ZNF567: variants seen among roughly 807,000 people sequenced by gnomAD.
The protein encoded by ZNF567 is zinc finger protein 567.
ZNF567 carries 36 observed loss-of-function variants against 53.9 expected under a neutral mutation model. The observed-to-expected ratio is 0.67, with a 90% CI of 0.51 to 0.88. ZNF567 has a LOEUF of 0.88. ZNF567 is among the 40% of genes least tolerant of loss of function. The pLI, the probability that ZNF567 is intolerant of heterozygous loss-of-function variation, is 0.00. For missense variants in ZNF567, 619 were observed against 764.7 expected, an observed-to-expected ratio of 0.81 and a Z score of 2.25; for synonymous variants, 224 against 260.4, an observed-to-expected ratio of 0.86 and a Z score of 1.35.
At chr19:36,671,229 G>A in the ZNF567 span, among the ~76,000 whole-genome samples, 4 of 152,188 alleles carry the variant, frequency 2.6e-5, no homozygotes, top group Non-Finnish European at 5.9e-5. Context: ...GACATTGCAT[G>A]TCAGAGGATG....
the ZNF567 span, among the ~76,000 whole-genome samples, chr19:36,676,405 T>A: frequency 6.6e-6 from 1 of 151,630 alleles, no homozygotes; most frequent in Admixed American, 6.6e-5. Flanking sequence ...AACAGTTCGT[T>A]CTGAGGAAGT....
chr19:36,712,926 A>G (rs2039864283), intron 5 of ZNF567, 59 bp downstream of exon 5: 7 of 1,342,378 alleles, frequency 5.2e-6, no homozygotes, highest in Middle Eastern at 1.9e-4. Context: ...AAAAGGGTCA[A>G]GTGGGGGTGA....
At chr19:36,726,642 C>A (rs1262248115), downstream of ZNF567, among the ~76,000 whole-genome samples, 1 of 152,230 alleles carries the variant, frequency 6.6e-6, no homozygotes, top group Non-Finnish European at 1.5e-5. Flanking sequence ...ACCACAGAGG[C>A]AGGGCTGGCC....
upstream of ZNF567, among the ~76,000 whole-genome samples, chr19:36,682,987 CTGTG>C (rs1195207016): frequency 6.6e-6 from 1 of 151,480 alleles, no homozygotes; most frequent in African/African-American, 2.4e-5. Context: ...GTGTGTGTGT[CTGTG>C]TGTGTGTGAT....
chr19:36,706,218 G>A (rs1455484114), intron 3 of ZNF567, among the ~76,000 whole-genome samples: 2 of 152,182 alleles, frequency 1.3e-5, no homozygotes, highest in Non-Finnish European at 2.9e-5. Context: ...CACAAAGGGA[G>A]AAATCTTAAT....
downstream of ZNF567, among the ~76,000 whole-genome samples, chr19:36,724,386 G>T (rs2040326772): frequency 6.6e-6 from 1 of 151,598 alleles, no homozygotes; most frequent in Non-Finnish European, 1.5e-5. Context: ...AATGCAAAAA[G>T]GTTCAGATTT....
chr19:36,694,946 G>C, intron 3 of ZNF567, 70 bp downstream of exon 3: 1 of 1,457,778 alleles, frequency 6.9e-7, no homozygotes, highest in African/African-American at 1.5e-5. Flanking sequence ...ATTTGGGCAT[G>C]TGTCGGTCTT....
At chr19:36,712,732 T>C (rs2145840231) in intron 4 of ZNF567, 49 bp from the exon 5 acceptor site, 1 of 1,560,634 alleles carries the variant, frequency 6.4e-7, no homozygotes, top group East Asian at 2.2e-5. Context: ...TCCTCATTTT[T>C]CAGTGGTATT....
At chr19:36,710,960 T>A (rs955692175) in intron 3 of ZNF567, among the ~76,000 whole-genome samples, 4 of 152,202 alleles carry the variant, frequency 2.6e-5, no homozygotes, top group African/African-American at 9.6e-5. Flanking sequence ...CTCCAACACA[T>A]GCATATTTTA....
downstream of ZNF567, among the ~76,000 whole-genome samples, chr19:36,721,929 G>A (rs2040308566): frequency 6.6e-6 from 1 of 151,886 alleles, no homozygotes; most frequent in African/African-American, 2.4e-5. Context: ...ATTTTTAGTA[G>A]AGACGGGGTT....
Position 36,709,134 on chromosome 19 carries a change from AT to A in ZNF567, c.10-3248del, listed in dbSNP as rs371844290. On this transcript the variant is annotated intron_variant, in intron 3 of 5. Transcript: ENST00000682579. Reference sequence around the variant, plus strand: ...CAGGCCAAAATCCAGCCTGTTTCCTATTTTGTACAGATTGTGAGCTAAGAAT... The same window carrying A: ...CAGGCCAAAATCCAGCCTGTTTCCTATTTGTACAGATTGTGAGCTAAGAAT... 5.4e-4 allele frequency among the ~76,000 whole-genome samples: 83 copies of A among 152,294 alleles called. No individual in the cohort carries two copies. The East Asian group carries it at 0.013, about 24-fold the overall frequency.
downstream of ZNF567, chr19:36,723,400 A>G: frequency 1.7e-6 from 1 of 602,654 alleles, no homozygotes; most frequent in Non-Finnish European, 3.0e-6. Flanking sequence ...TGAAATAGCC[A>G]TGTACTGTTT....
chr19:36,682,877 G>T (rs754968476), upstream of ZNF567, among the ~76,000 whole-genome samples: 24 of 151,922 alleles, frequency 1.6e-4, no homozygotes, highest in Admixed American at 4.6e-4. Context: ...AAAGTGCTGG[G>T]ATTACAGGCG....
downstream of ZNF567, among the ~76,000 whole-genome samples, chr19:36,723,732 C>T (rs2040322280): frequency 6.6e-6 from 1 of 151,848 alleles, no homozygotes; most frequent in Non-Finnish European, 1.5e-5. Context: ...TACTCGGGGG[C>T]CTAAGGCAGG....
At chr19:36,685,230 G>GT (rs2038242674), upstream of ZNF567, among the ~76,000 whole-genome samples, 1 of 152,216 alleles carries the variant, frequency 6.6e-6, no homozygotes, top group Non-Finnish European at 1.5e-5. Flanking sequence ...GGAGGTTGCA[G>GT]TAAGTCGAGA....
intron 5 of ZNF567, 140 bp downstream of exon 5, chr19:36,713,007 A>T: frequency 1.5e-6 from 1 of 658,396 alleles, no homozygotes; most frequent in Non-Finnish European, 2.5e-6. Context: ...ATGCCTATAA[A>T]ACTCAAAACC....
At chr19:36,682,850 G>A (rs1386697352), upstream of ZNF567, among the ~76,000 whole-genome samples, 4 of 151,584 alleles carry the variant, frequency 2.6e-5, no homozygotes, top group Non-Finnish European at 5.9e-5. Flanking sequence ...CTCGTGATCC[G>A]CCCATGTCAG....
chr19:36,716,990 C>T (rs2040096095), intron 5 of ZNF567, among the ~76,000 whole-genome samples: 1 of 152,040 alleles, frequency 6.6e-6, no homozygotes, highest in Non-Finnish European at 1.5e-5. Context: ...CATGCCCGGC[C>T]AGCTTTTTTT....
downstream of ZNF567, chr19:36,727,048 C>CA: frequency 1.4e-4 from 5 of 35,364 alleles, no homozygotes; most frequent in African/African-American, 6.9e-4. Flanking sequence ...TAGAGTAGAT[C>CA]AATTTTATTT....
Sources: allele counts gnomAD v4.1 joint callset (sites outside exome capture counted in the v4.1 genomes callset), GRCh38; gene constraint gnomAD v4.1.1; transcripts MANE v1.5; gene names NCBI Gene and HGNC (gene_info 2026-07-23, HGNC 2026-07-21).